Variants in MEI4 observed in about 807,000 individuals in gnomAD.
MEI4 encodes the protein meiotic double-stranded break formation protein 4.
A neutral mutation model predicts 31.4 loss-of-function variants in MEI4; 27 were observed. The ratio of observed to expected loss-of-function variants is 0.86; its 90% confidence interval spans 0.63 to 1.19. MEI4 has a LOEUF of 1.19. Ranked by LOEUF, MEI4 falls within the 50% of genes most tolerant of loss-of-function variation. The probability of loss-of-function intolerance (pLI) is 0.00; values close to 1 mark genes in which losing one functional copy is unlikely to be tolerated. For synonymous variants in MEI4, 122 were observed against 145.4 expected, an observed-to-expected ratio of 0.84 and a Z score of 1.16; for missense variants, 329 against 398.9, an observed-to-expected ratio of 0.82 and a Z score of 1.49.
At chr6:77,737,539 T>C (rs551776933) in intron 2 of MEI4, among the ~76,000 whole-genome samples, 109 of 152,266 alleles carry the variant, frequency 7.2e-4, no homozygotes, top group Non-Finnish European at 1.4e-3. Flanking sequence ...AAAGTGGTAG[T>C]AATATTTAGA....
chr6:77,888,267 T>C (rs1188228847), intron 4 of MEI4, among the ~76,000 whole-genome samples: 1 of 152,268 alleles, frequency 6.6e-6, no homozygotes, highest in South Asian at 2.1e-4. Context: ...TAGAATATTA[T>C]TGATAGGTGA....
chr6:77,778,538 T>C, intron 3 of MEI4, among the ~76,000 whole-genome samples: 1 of 151,532 alleles, frequency 6.6e-6, no homozygotes, highest in Middle Eastern at 3.2e-3. Context: ...CTGTCTCTAC[T>C]AAAAATACAA....
chr6:77,681,701 T>C (rs1194190686), intron 1 of MEI4, among the ~76,000 whole-genome samples: 1 of 152,138 alleles, frequency 6.6e-6, no homozygotes, highest in Non-Finnish European at 1.5e-5. Context: ...AAAATAGTGT[T>C]AAGAGACCGT....
chr6:77,721,431 AT>A (rs1766708470), intron 2 of MEI4, among the ~76,000 whole-genome samples: 1 of 134,712 alleles, frequency 7.4e-6, no homozygotes, highest in Admixed American at 7.4e-5. Flanking sequence ...ACTCCACAAG[AT>A]CAGTATTTTG....
chr6:77,716,739 T>C (rs1307673718), intron 2 of MEI4: 2 of 235,460 alleles, frequency 8.5e-6, no homozygotes, highest in African/African-American at 2.3e-5. Flanking sequence ...GAAGAGAATG[T>C]ATATTTTTAA....
At chr6:77,690,930 A>G (rs1242643943) in intron 2 of MEI4, 27 bp downstream of exon 2, 3 of 1,096,356 alleles carry the variant, frequency 2.7e-6, no homozygotes, top group Non-Finnish European at 3.5e-6. Context: ...GCCTTTTGGT[A>G]GTATGTCATA....
chr6:77,669,645 T>G (rs1047306848), intron 1 of MEI4, among the ~76,000 whole-genome samples: 5 of 152,206 alleles, frequency 3.3e-5, no homozygotes, highest in African/African-American at 1.2e-4. Context: ...TTTTACATAT[T>G]ATATATACAT....
chr6:77,827,360 TAA>T (rs57446339), intron 3 of MEI4, among the ~76,000 whole-genome samples: 1,625 of 67,774 alleles, frequency 0.024, 19 homozygotes, highest in Non-Finnish European at 0.031. Context: ...GACTCCATCT[TAA>T]AAAAAAAAAA....
chr6:77,791,342 T>C (rs1768924287), intron 3 of MEI4, among the ~76,000 whole-genome samples: 1 of 151,944 alleles, frequency 6.6e-6, no homozygotes, highest in African/African-American at 2.4e-5. Flanking sequence ...CATGGAATAC[T>C]ACGCAGCCAT....
chr6:77,770,841 G>A (rs1768295081), intron 3 of MEI4, among the ~76,000 whole-genome samples: 1 of 152,016 alleles, frequency 6.6e-6, no homozygotes. Flanking sequence ...AAAACCCTGG[G>A]AGATGACCTA....
At chr6:77,702,863 C>A (rs959202078) in intron 2 of MEI4, among the ~76,000 whole-genome samples, 1 of 152,118 alleles carries the variant, frequency 6.6e-6, no homozygotes, top group Non-Finnish European at 1.5e-5. Flanking sequence ...TATACATATT[C>A]TCTCTGTAGG....
At chr6:77,773,915 C>A (rs555026548) in intron 3 of MEI4, among the ~76,000 whole-genome samples, 48 of 152,100 alleles carry the variant, frequency 3.2e-4, no homozygotes, top group Middle Eastern at 6.8e-3. Context: ...TGAAAAAGTC[C>A]TCAATGTCAT....
At chr6:77,695,210 G>T (rs1309873010) in intron 2 of MEI4, among the ~76,000 whole-genome samples, 42 of 151,936 alleles carry the variant, frequency 2.8e-4, no homozygotes, top group Non-Finnish European at 8.8e-5. Flanking sequence ...CCATTTTGTA[G>T]GTTGCCTGTT....
At chr6:77,790,977 A>G (rs927601017) in intron 3 of MEI4, among the ~76,000 whole-genome samples, 6 of 152,242 alleles carry the variant, frequency 3.9e-5, no homozygotes, top group Non-Finnish European at 7.4e-5. Flanking sequence ...CAAAACCACA[A>G]TGAGATACCA....
At chr6:77,846,733 T>G (rs1322396014) in intron 4 of MEI4, among the ~76,000 whole-genome samples, 2 of 152,176 alleles carry the variant, frequency 1.3e-5, no homozygotes, top group African/African-American at 4.8e-5. Flanking sequence ...GCTTTTTACT[T>G]GACCTTGACA....
chr6:77,677,866 ATTATTTTCTT>A, intron 1 of MEI4, among the ~76,000 whole-genome samples: 1 of 152,302 alleles, frequency 6.6e-6, no homozygotes, highest in Non-Finnish European at 1.5e-5. Flanking sequence ...GTATAAATTA[ATTATTTTCTT>A]TTATTTTCTG....
intron 1 of MEI4, among the ~76,000 whole-genome samples, chr6:77,681,863 A>G (rs957108172): frequency 6.6e-6 from 1 of 152,220 alleles, no homozygotes; most frequent in African/African-American, 2.4e-5. Flanking sequence ...TCTCTGCTGG[A>G]AAGGCTTCCA....
At chr6:77,751,241 T>A (rs1364098748) in intron 2 of MEI4, among the ~76,000 whole-genome samples, 2 of 151,258 alleles carry the variant, frequency 1.3e-5, no homozygotes, top group Admixed American at 6.6e-5. Flanking sequence ...TCAAGAGCTA[T>A]CAGAAGACAA....
At chr6:77,742,951 T>G (rs9361268) in intron 2 of MEI4, among the ~76,000 whole-genome samples, 22,312 of 151,210 alleles carry the variant, frequency 0.15, 1,991 homozygotes, top group East Asian at 0.39. Flanking sequence ...CGTTATTTCT[T>G]AGGGCTCTGT....
Sources: allele counts gnomAD v4.1 joint callset (sites outside exome capture counted in the v4.1 genomes callset), GRCh38; gene constraint gnomAD v4.1.1; transcripts MANE v1.5; gene names NCBI Gene and HGNC (gene_info 2026-07-23, HGNC 2026-07-21).